The following TRPS1 variants were observed in gnomAD, a reference collection of about 807,000 sequenced individuals.
The protein encoded by TRPS1 is zinc finger transcription factor Trps1.
A neutral mutation model predicts 101.2 loss-of-function variants in TRPS1; 6 were observed. The observed-to-expected ratio is 0.06, with a 90% CI of 0.03 to 0.12. TRPS1 has a LOEUF of 0.12. Among genes scored for constraint, TRPS1 ranks in the 10% least tolerant of loss-of-function variants. The pLI, the probability that TRPS1 is intolerant of heterozygous loss-of-function variation, is 1.00. For synonymous variants in TRPS1, 578 were observed against 589.8 expected (o/e 0.98, Z 0.29); for missense variants, 1,363 against 1,567.0 (o/e 0.87, Z 2.20).
chr8:115,583,890 G>T (rs929455290), intron 5 of TRPS1, among the ~76,000 whole-genome samples: 1 of 151,774 alleles, frequency 6.6e-6, no homozygotes, highest in African/African-American at 2.4e-5. Context: ...GCCAAACACT[G>T]ACCCTGACAT....
chr8:115,623,549 T>C (rs979535244), intron 2 of TRPS1, 52 bp downstream of exon 2: 52 of 1,596,064 alleles, frequency 3.3e-5, no homozygotes, highest in Non-Finnish European at 4.5e-5. Context: ...TTTTACTGTG[T>C]GCCAAGAACT....
At chr8:115,638,397 T>C (rs1818818087) in intron 1 of TRPS1, among the ~76,000 whole-genome samples, 1 of 152,128 alleles carries the variant, frequency 6.6e-6, no homozygotes, top group Admixed American at 6.5e-5. Flanking sequence ...CCCGAAGACA[T>C]GAGTGCAATG....
chr8:115,630,374 T>TAC (rs774164823), intron 1 of TRPS1, among the ~76,000 whole-genome samples: 105 of 151,522 alleles, frequency 6.9e-4, no homozygotes, highest in Non-Finnish European at 1.2e-3. Context: ...CACAGAGCCA[T>TAC]ACACACACAC....
intron 5 of TRPS1, among the ~76,000 whole-genome samples, chr8:115,421,824 A>C (rs980836090): frequency 6.6e-6 from 1 of 152,168 alleles, no homozygotes; most frequent in East Asian, 1.9e-4. Flanking sequence ...CACTGTGTAC[A>C]ATGTAACCTG....
At chr8:115,448,879 A>G (rs1157112588) in intron 5 of TRPS1, among the ~76,000 whole-genome samples, 2 of 152,176 alleles carry the variant, frequency 1.3e-5, no homozygotes, top group Non-Finnish European at 1.5e-5. Flanking sequence ...CAAATATAAA[A>G]CTTCGTCGAT....
At chr8:115,615,587 C>T (rs760105064) in intron 3 of TRPS1, among the ~76,000 whole-genome samples, 24 of 151,998 alleles carry the variant, frequency 1.6e-4, no homozygotes, top group African/African-American at 3.1e-4. Context: ...GGTGAAACCC[C>T]GTCTCTACTA....
chr8:115,505,923 T>C (rs1401992753), intron 5 of TRPS1, among the ~76,000 whole-genome samples: 6 of 131,136 alleles, frequency 4.6e-5, no homozygotes, highest in Non-Finnish European at 3.2e-5. Context: ...ATCTCCTAAT[T>C]TGGAAAGTTG....
chr8:115,432,330 G>A (rs1051097648), intron 5 of TRPS1, among the ~76,000 whole-genome samples: 11 of 151,760 alleles, frequency 7.2e-5, no homozygotes, highest in African/African-American at 2.4e-4. Flanking sequence ...GAAATGTAAG[G>A]TGGCTAGATT....
At chr8:115,525,638 G>A (rs959343234) in intron 5 of TRPS1, among the ~76,000 whole-genome samples, 21 of 152,264 alleles carry the variant, frequency 1.4e-4, no homozygotes, top group African/African-American at 4.8e-4. Context: ...TAGAGTGAGA[G>A]AGTGGTTAGA....
At chr8:115,547,570 C>T (rs777376222) in intron 5 of TRPS1, among the ~76,000 whole-genome samples, 8 of 152,078 alleles carry the variant, frequency 5.3e-5, no homozygotes, top group Non-Finnish European at 1.2e-4. Flanking sequence ...AGGCAGTCAC[C>T]GTAATTAGCT....
intron 5 of TRPS1, among the ~76,000 whole-genome samples, chr8:115,584,282 T>C (rs1488877229): frequency 2.6e-5 from 4 of 152,030 alleles, no homozygotes; most frequent in African/African-American, 9.6e-5. Context: ...TATATATAAA[T>C]GTATTAATAT....
At chr8:115,514,482 A>T (rs1815660624) in intron 5 of TRPS1, among the ~76,000 whole-genome samples, 1 of 151,712 alleles carries the variant, frequency 6.6e-6, no homozygotes, top group Non-Finnish European at 1.5e-5. Context: ...TTAGATAATA[A>T]CATATAATTA....
chr8:115,572,868 C>T (rs1254640185), intron 5 of TRPS1, among the ~76,000 whole-genome samples: 1 of 152,106 alleles, frequency 6.6e-6, no homozygotes, highest in Non-Finnish European at 1.5e-5. Flanking sequence ...CTCCGTGGCT[C>T]ACGCCTGTAA....
intron 5 of TRPS1, among the ~76,000 whole-genome samples, chr8:115,507,905 C>A: frequency 6.6e-6 from 1 of 151,970 alleles, no homozygotes; most frequent in African/African-American, 2.4e-5. Flanking sequence ...ACTGTCATTG[C>A]ATGATTGGTG....
Position 115,418,254 on chromosome 8 carries a change from T to C in TRPS1, c.2823+76A>G, listed in dbSNP as rs2129768023. On this transcript the variant is annotated intron_variant, in intron 6 of 6. Coordinates refer to ENST00000395715, the MANE Select transcript of TRPS1 (RefSeq NM_014112.5). The surrounding 1 kb of genome is among the most constrained non-coding windows in gnomAD (Gnocchi z 4.3). The stretch of plus-strand genomic sequence containing the variant: ...GGGGCAGGCACTGCAAGCCAGGGAA[T>C]GGGACTTATCACACCACAGACCAGG... The C allele has an allele frequency of 6.2e-7, 1 of 1,612,622 alleles. No individual in the cohort carries two copies. Among genetic ancestry groups the C allele is most frequent in the Non-Finnish European group, 8.5e-7 (1 of 1,179,086 alleles).
chr8:115,499,730 T>C (rs982906499), intron 5 of TRPS1, among the ~76,000 whole-genome samples: 3 of 152,204 alleles, frequency 2.0e-5, no homozygotes, highest in Admixed American at 2.0e-4. Flanking sequence ...AATGCTGCTT[T>C]AGTGTTCTTG....
chr8:115,574,150 C>T (rs960024532), intron 5 of TRPS1, among the ~76,000 whole-genome samples: 1 of 152,162 alleles, frequency 6.6e-6, no homozygotes, highest in Non-Finnish European at 1.5e-5. Context: ...TTCCACAGTT[C>T]CTGCCTGAAA....
At chr8:115,659,010 C>T (rs927894616) in intron 1 of TRPS1, among the ~76,000 whole-genome samples, 1 of 151,954 alleles carries the variant, frequency 6.6e-6, no homozygotes, top group African/African-American at 2.4e-5. Context: ...TTCAAAAGCA[C>T]AAGTTTTCTT....
In TRPS1 at chr8:115,418,304, C is replaced by A. The variant is rs756265876; in HGVS notation, c.2823+26G>T. ...GCCAACACTGCTTTATAAAGCTTTT[C>A]CTGAAAGAGTGGAACAAGTTCTTAC... On this transcript the variant is annotated intron_variant, in intron 6 of 6. Coordinates refer to ENST00000395715, the MANE Select transcript of TRPS1 (RefSeq NM_014112.5). This position sits in a 1 kb window ranked among gnomAD's most constrained non-coding sequence, Gnocchi z 4.3. 17 of 1,613,902 alleles carry A rather than the reference C, an allele frequency of 1.1e-5. No individual in the cohort carries two copies. Among genetic ancestry groups the A allele is most frequent in the Admixed American group, 6.7e-5 (4 of 60,004 alleles).
Sources: gnomAD v4.1 joint callset for allele counts (sites outside exome capture counted in the v4.1 genomes callset) on GRCh38, gnomAD v4.1.1 for gene constraint, Gnocchi (gnomAD v3.1) non-coding constraint, MANE v1.5 for transcripts, NCBI Gene and HGNC (gene_info 2026-07-23, HGNC 2026-07-21) for gene names.